Variants in RNF170 observed in about 807,000 individuals in gnomAD.
RNF170 encodes ring finger protein 170, also known as E3 ubiquitin-protein ligase RNF170.
In RNF170, 12 loss-of-function variants were observed where a neutral mutation model predicts 32.7. The observed-to-expected ratio is 0.37, with a 90% CI of 0.24 to 0.60. The LOEUF is 0.60. Among genes scored for constraint, RNF170 ranks in the 20% least tolerant of loss-of-function variants. RNF170 has a pLI of 0.72. For synonymous variants in RNF170, 91 were observed against 103.6 expected (o/e 0.88, Z 0.74); for missense variants, 212 against 311.2 (o/e 0.68, Z 2.40).
chr8:42,890,978 T>G (rs1806254338), intron 1 of RNF170, among the ~76,000 whole-genome samples: 1 of 152,306 alleles, frequency 6.6e-6, no homozygotes, highest in Non-Finnish European at 1.5e-5. Context: ...AATTTCCTAC[T>G]TGGGGAGATG....
intron 2 of RNF170, among the ~76,000 whole-genome samples, chr8:42,875,623 C>A (rs1804863385): frequency 6.6e-6 from 1 of 152,218 alleles, no homozygotes; most frequent in Admixed American, 6.5e-5. Context: ...GTCACCCAGG[C>A]TGGAGTGCGG....
rs1361649257 is a variant in RNF170, at chr8:42,853,529, G to A, written c.*2630C>T. 1.0e-5 allele frequency: 13 copies of A among 1,286,942 alleles called. No homozygotes were observed. Among genetic ancestry groups the A allele is most frequent in the African/African-American group, 6.1e-5 (4 of 65,744 alleles). The allele number at this position is 1,286,942 out of a possible 1,614,324, so 79.7% of individuals were successfully genotyped here. ...GGCAGTTAGAACAGTTGTTTTCCCCGTCTTGTTCCCCACAGAGCTGCCCAA... is the reference window on the plus strand; with the variant it reads ...GGCAGTTAGAACAGTTGTTTTCCCCATCTTGTTCCCCACAGAGCTGCCCAA... On this transcript the variant is annotated 3_prime_UTR_variant, in exon 7 of 7. Transcript: ENST00000527424.
intron 3 of RNF170, 86 bp from the exon 4 acceptor site, chr8:42,870,198 G>A (rs994803212): frequency 1.1e-6 from 1 of 911,914 alleles, no homozygotes; most frequent in African/African-American, 1.6e-5. Context: ...TGAGAACAGA[G>A]TCAGCAGTGT....
At chr8:42,873,045 C>T (rs1332749016) in intron 3 of RNF170, among the ~76,000 whole-genome samples, 25 of 152,106 alleles carry the variant, frequency 1.6e-4, no homozygotes, top group Non-Finnish European at 1.0e-4. Flanking sequence ...TAGCTGTGCA[C>T]CACCATACCC....
chr8:42,881,509 T>C (rs534035464), intron 2 of RNF170: 1 of 152,288 alleles, frequency 6.6e-6, no homozygotes, highest in South Asian at 2.1e-4. Context: ...TGACCATCAA[T>C]GGTAGACTAG....
At chr8:42,851,850 C>CT (rs1802951254), downstream of RNF170, among the ~76,000 whole-genome samples, 3 of 152,182 alleles carry the variant, frequency 2.0e-5, no homozygotes, top group South Asian at 6.2e-4. Flanking sequence ...TCAGACTGGT[C>CT]TCAAACTCCT....
intron 2 of RNF170, among the ~76,000 whole-genome samples, chr8:42,885,653 T>C (rs1805755520): frequency 1.3e-5 from 2 of 152,254 alleles, no homozygotes; most frequent in Non-Finnish European, 2.9e-5. Context: ...TTAATTTGCA[T>C]TTCCCTGGTG....
rs746800726 is a variant in RNF170 at position 42,855,372 on chromosome 8, T to A, written c.*787A>T. ...GACTACAGGCGCCTGCCACCACGCC[T>A]GGCTAATTTTTTGTATTTTTAGTAG... On this transcript the variant is annotated 3_prime_UTR_variant, in exon 7 of 7. Transcript: ENST00000527424. 4.8e-5 allele frequency: 32 copies of A among 669,282 alleles called. No homozygotes were observed. In the South Asian group the frequency reaches 5.0e-4, roughly 10 times the overall value. The allele number at this position is 669,282 out of a possible 1,614,324, so 41.5% of individuals were successfully genotyped here.
chr8:42,868,131 C>A (rs1160931312), intron 4 of RNF170, among the ~76,000 whole-genome samples: 16 of 152,150 alleles, frequency 1.1e-4, no homozygotes, highest in Admixed American at 1.0e-3. Flanking sequence ...TTGTTAGCTA[C>A]TTAAGTGAAA....
At chr8:42,893,724 C>T (rs931476934) in intron 1 of RNF170, among the ~76,000 whole-genome samples, 3 of 152,186 alleles carry the variant, frequency 2.0e-5, no homozygotes, top group Non-Finnish European at 4.4e-5. Context: ...TAAAACTAGC[C>T]ATGTTTTGAT....
At chr8:42,861,888 T>C (rs764087534) in intron 5 of RNF170, 33 bp from the exon 6 acceptor site, 7 of 1,565,968 alleles carry the variant, frequency 4.5e-6, no homozygotes, top group Non-Finnish European at 6.1e-6. Flanking sequence ...TTATTTCAAC[T>C]TTCTGCATCA....
At chr8:42,868,760 G>A (rs970066344) in intron 4 of RNF170, among the ~76,000 whole-genome samples, 2 of 151,412 alleles carry the variant, frequency 1.3e-5, no homozygotes, top group Non-Finnish European at 2.9e-5. Flanking sequence ...ACTGAGGCAG[G>A]AGAATCGTTT....
intron 4 of RNF170, among the ~76,000 whole-genome samples, chr8:42,866,799 C>T (rs532825283): frequency 1.9e-3 from 294 of 152,246 alleles, no homozygotes; most frequent in Non-Finnish European, 3.2e-3. Context: ...CAAGAAGGCA[C>T]GGGTGTGCCA....
chr8:42,850,753 C>G (rs1404107299), downstream of RNF170: 1 of 1,551,228 alleles, frequency 6.4e-7, no homozygotes. Flanking sequence ...TACTTTTGCA[C>G]TGCCTACTTT....
At chr8:42,879,127 G>C (rs950572229) in intron 2 of RNF170, among the ~76,000 whole-genome samples, 1 of 152,138 alleles carries the variant, frequency 6.6e-6, no homozygotes, top group Non-Finnish European at 1.5e-5. Context: ...AATACACCTA[G>C]TCACCCACGA....
chr8:42,861,814 A>C lies in RNF170; in HGVS notation c.438T>G (p.Ser146=), dbSNP rs144401683. 7 of 1,613,960 alleles carry C rather than the reference A, an allele frequency of 4.3e-6. No individual in the cohort carries two copies. Among genetic ancestry groups the C allele is most frequent in the East Asian group, 2.2e-5 (1 of 44,866 alleles). ...LLTVFGEDDQ[S]QDVLRLHQDI... is the part of the protein sequence containing the mutation. ...CCTGATGCAATCTCAGAACATCCTG[A>C]GACTGATCATCTTCACCAAATACTG... The change falls in exon 6 of 7, where the codon TCT becomes TCG. Residue 146 remains serine (S), a synonymous_variant. Transcript: ENST00000527424.
chr8:42,897,184 C>T (rs1335399389), upstream of RNF170: 5 of 1,247,276 alleles, frequency 4.0e-6, no homozygotes, highest in East Asian at 1.6e-4. Flanking sequence ...AGCCTCCTCA[C>T]TTGGGTACGT....
intron 4 of RNF170, among the ~76,000 whole-genome samples, chr8:42,867,498 G>C (rs34668583): frequency 3.6e-5 from 5 of 137,134 alleles, no homozygotes; most frequent in Non-Finnish European, 7.8e-5. Context: ...AAAAAAGGCC[G>C]GGCGCGGTGG....
chr8:42,897,050 C>T (rs866877743), upstream of RNF170: 2 of 1,095,204 alleles, frequency 1.8e-6, no homozygotes, highest in South Asian at 4.6e-5. Flanking sequence ...GCCGAGTCAG[C>T]TGCGCGGGCC....
Sources: gnomAD v4.1 joint callset for allele counts (sites outside exome capture counted in the v4.1 genomes callset) on GRCh38, gnomAD v4.1.1 for gene constraint, MANE v1.5 for transcripts, NCBI Gene and HGNC (gene_info 2026-07-23, HGNC 2026-07-21) for gene names.